Variants in BMP5 observed in about 807,000 individuals in gnomAD.
The protein encoded by BMP5 is bone morphogenetic protein 5.
BMP5 carries 23 observed loss-of-function variants against 46.6 expected under a neutral mutation model. The ratio of observed to expected loss-of-function variants is 0.49; its 90% confidence interval spans 0.35 to 0.70. The LOEUF (loss-of-function observed/expected upper bound fraction) is 0.70. Among genes scored for constraint, BMP5 ranks in the 30% least tolerant of loss-of-function variants. The pLI, the probability that BMP5 is intolerant of heterozygous loss-of-function variation, is 0.00. For missense variants in BMP5, 545 were observed against 565.6 expected, an observed-to-expected ratio of 0.96 and a Z score of 0.37; for synonymous variants, 204 against 191.9, an observed-to-expected ratio of 1.06 and a Z score of -0.52.
At chr6:55,859,028 G>A (rs1777469078) in intron 1 of BMP5, among the ~76,000 whole-genome samples, 1 of 152,146 alleles carries the variant, frequency 6.6e-6, no homozygotes, top group South Asian at 2.1e-4. Context: ...TTAAAACCTA[G>A]ATGATAAGTT....
At chr6:55,802,930 G>A (rs901716210) in intron 2 of BMP5, among the ~76,000 whole-genome samples, 5 of 151,476 alleles carry the variant, frequency 3.3e-5, no homozygotes, top group African/African-American at 1.2e-4. Flanking sequence ...AGCTAGAAAA[G>A]GAATGAACAA....
At chr6:55,778,979 A>G (rs970856186) in intron 3 of BMP5, among the ~76,000 whole-genome samples, 1 of 152,214 alleles carries the variant, frequency 6.6e-6, no homozygotes, top group Admixed American at 6.6e-5. Context: ...GGGAAGGTAG[A>G]CTGGCAAACC....
intron 1 of BMP5, among the ~76,000 whole-genome samples, chr6:55,835,258 C>T (rs1466210467): frequency 1.3e-5 from 2 of 151,960 alleles, no homozygotes; most frequent in African/African-American, 4.8e-5. Flanking sequence ...CCCAATTTTT[C>T]CCACCAAATT....
Position 55,773,495 on chromosome 6 carries a change from CTGTGTGTGTG to C in BMP5, c.1027+544_1027+553del, listed in dbSNP as rs10555940. On this transcript the variant is annotated intron_variant, in intron 4 of 6. Coordinates refer to ENST00000370830, the MANE Select transcript of BMP5 (RefSeq NM_021073.4). ...GCATTCGTAATATTTTGTTGAAAGA[CTGTGTGTGTG>C]TGTGTGTGTGTGTGTGTGTGTGTAG... Among the ~76,000 whole-genome samples the C allele has an allele frequency of 1.0e-2, 1,478 of 148,260 alleles. 21 individuals are homozygous for C. Among genetic ancestry groups the C allele is most frequent in the African/African-American group, 0.033 (1,340 of 40,748 alleles).
chr6:55,874,740 T>C lies in BMP5; in HGVS notation c.126A>G (p.Arg42=), dbSNP rs774654820. The C allele has an allele frequency of 1.2e-6, 2 of 1,613,590 alleles. No individual in the cohort carries two copies. Among genetic ancestry groups the C allele is most frequent in the Non-Finnish European group, 1.7e-6 (2 of 1,179,680 alleles). Residue 42 remains arginine, a synonymous_variant, in exon 1 of 7, where the codon AGA becomes AGG. Transcript: ENST00000370830. ...TTTCCCGTCTTTCGTGGTTCCGTAG[T>C]CTTCTATAAATAAAACTGGAGTGAA... The part of the protein sequence containing the change: ...NHVHSSFIYR[R]LRNHERREIQ...
intron 2 of BMP5, among the ~76,000 whole-genome samples, chr6:55,811,728 C>G (rs1776139921): frequency 6.6e-6 from 1 of 151,502 alleles, no homozygotes; most frequent in South Asian, 2.1e-4. Context: ...TATTCTTTCC[C>G]CATTTGTTGT....
chr6:55,779,190 T>C (rs1298996527), intron 3 of BMP5, among the ~76,000 whole-genome samples: 1 of 152,092 alleles, frequency 6.6e-6, no homozygotes, highest in East Asian at 1.9e-4. Flanking sequence ...ATACACAGTT[T>C]GAAAAACATT....
chr6:55,755,787 T>G (rs1159887120), intron 6 of BMP5, 105 bp from the exon 7 acceptor site: 1 of 1,094,988 alleles, frequency 9.1e-7, no homozygotes, highest in East Asian at 2.6e-5. Flanking sequence ...GGCACACCAT[T>G]AAGCTGATCT....
At chr6:55,802,437 C>T (rs1388440123) in intron 2 of BMP5, among the ~76,000 whole-genome samples, 1 of 152,104 alleles carries the variant, frequency 6.6e-6, no homozygotes, top group Non-Finnish European at 1.5e-5. Flanking sequence ...AACACCACTT[C>T]GTACTCCCTT....
chr6:55,866,545 A>G (rs1777643822), intron 1 of BMP5, among the ~76,000 whole-genome samples: 1 of 152,194 alleles, frequency 6.6e-6, no homozygotes, highest in African/African-American at 2.4e-5. Flanking sequence ...GAGGTATGGC[A>G]TACAATTGAC....
chr6:55,807,134 C>T (rs973250687), intron 2 of BMP5, among the ~76,000 whole-genome samples: 1 of 152,140 alleles, frequency 6.6e-6, no homozygotes, highest in African/African-American at 2.4e-5. Flanking sequence ...GAGGGGGCAT[C>T]CTTATCTTGT....
chr6:55,795,070 C>T (rs1190581131), intron 2 of BMP5, among the ~76,000 whole-genome samples: 1 of 152,074 alleles, frequency 6.6e-6, no homozygotes, highest in Admixed American at 6.5e-5. Context: ...TGAATATGAA[C>T]TTACTTATAT....
intron 1 of BMP5, among the ~76,000 whole-genome samples, chr6:55,854,136 CTTTGTG>C (rs1467362369): frequency 3.9e-5 from 6 of 152,062 alleles, no homozygotes; most frequent in Admixed American, 6.5e-5. Context: ...TAACCAATTT[CTTTGTG>C]TTTAAGACAT....
Position 55,874,897 on chromosome 6 carries a change from G to C in BMP5, c.-32C>G. ...CCAAAAGCAAAAGTTGATATTTTTA[G>C]TCCTTCTTGTCCTCTTAAAAAAAAA... On this transcript the variant is annotated 5_prime_UTR_variant, in exon 1 of 7. Transcript: ENST00000370830. The C allele has an allele frequency of 6.3e-7, 1 of 1,579,766 alleles. No homozygotes were observed. Among genetic ancestry groups the C allele is most frequent in the Non-Finnish European group, 8.6e-7 (1 of 1,165,240 alleles).
intron 4 of BMP5, among the ~76,000 whole-genome samples, chr6:55,769,145 C>A (rs899218968): frequency 6.6e-6 from 1 of 151,820 alleles, no homozygotes; most frequent in Non-Finnish European, 1.5e-5. Flanking sequence ...TCTTAAAAGA[C>A]AACGATAAAA....
chr6:55,815,940 A>G (rs1238658987), intron 2 of BMP5, among the ~76,000 whole-genome samples: 1 of 152,124 alleles, frequency 6.6e-6, no homozygotes, highest in African/African-American at 2.4e-5. Context: ...AGGGAGCTTC[A>G]TTAGATGACA....
intron 1 of BMP5, among the ~76,000 whole-genome samples, chr6:55,842,046 T>C (rs1287886006): frequency 6.6e-6 from 1 of 152,182 alleles, no homozygotes; most frequent in Non-Finnish European, 1.5e-5. Flanking sequence ...CTATTGATCG[T>C]GACTTTACAA....
intron 1 of BMP5, among the ~76,000 whole-genome samples, chr6:55,830,975 T>G (rs1325100246): frequency 6.6e-6 from 1 of 152,058 alleles, no homozygotes; most frequent in Non-Finnish European, 1.5e-5. Flanking sequence ...ACTTTTTTTT[T>G]CCTAAAGAAG....
chr6:55,857,036 G>A (rs1482662386), intron 1 of BMP5, among the ~76,000 whole-genome samples: 1 of 152,034 alleles, frequency 6.6e-6, no homozygotes, highest in East Asian at 1.9e-4. Flanking sequence ...GTTTTATGTG[G>A]TTCATGATCA....
Sources: gnomAD v4.1 joint callset for allele counts (sites outside exome capture counted in the v4.1 genomes callset) on GRCh38, gnomAD v4.1.1 for gene constraint, MANE v1.5 for transcripts, NCBI Gene and HGNC (gene_info 2026-07-23, HGNC 2026-07-21) for gene names.